The following PRKN variants were observed in gnomAD, a reference collection of about 807,000 sequenced individuals.
PRKN encodes the protein E3 ubiquitin-protein ligase parkin.
PRKN carries 56 observed loss-of-function variants against 59.5 expected under a neutral mutation model. The ratio of observed to expected loss-of-function variants is 0.94; its 90% confidence interval spans 0.76 to 1.18. PRKN has a LOEUF of 1.18. Among genes scored for constraint, PRKN ranks in the 50% most tolerant of loss-of-function variants. PRKN has a pLI of 0.00. For synonymous variants in PRKN, 250 were observed against 222.1 expected, an observed-to-expected ratio of 1.13 and a Z score of -1.12; for missense variants, 657 against 596.4, an observed-to-expected ratio of 1.10 and a Z score of -1.06.
At chr6:161,611,213 T>C (rs990982800) in intron 7 of PRKN, among the ~76,000 whole-genome samples, 23 of 152,158 alleles carry the variant, frequency 1.5e-4, no homozygotes, top group Non-Finnish European at 2.9e-4. Flanking sequence ...GGCGTGGAAA[T>C]AATGTGAGTC....
intron 7 of PRKN, among the ~76,000 whole-genome samples, chr6:161,778,826 C>T (rs906180261): frequency 6.6e-6 from 1 of 152,216 alleles, no homozygotes; most frequent in Non-Finnish European, 1.5e-5. Flanking sequence ...CAGGCATGGA[C>T]TCTGAAGCCT....
intron 3 of PRKN, among the ~76,000 whole-genome samples, chr6:162,244,144 G>A (rs1328479726): frequency 6.6e-6 from 1 of 152,068 alleles, no homozygotes; most frequent in African/African-American, 2.4e-5. Context: ...GTTTTGTCTG[G>A]TTCAGCAGCT....
intron 2 of PRKN, among the ~76,000 whole-genome samples, chr6:162,406,090 TGA>T (rs1376480448): frequency 6.6e-6 from 1 of 152,244 alleles, no homozygotes; most frequent in Non-Finnish European, 1.5e-5. Context: ...CAATTCACTT[TGA>T]TTAATGACAG....
At chr6:161,943,462 A>G (rs1365915184) in intron 6 of PRKN, among the ~76,000 whole-genome samples, 1 of 152,264 alleles carries the variant, frequency 6.6e-6, no homozygotes, top group Non-Finnish European at 1.5e-5. Context: ...ATATGTGGAT[A>G]GTATGTATAT....
Position 161,360,285 on chromosome 6 carries a change from A to T in PRKN, c.1168-80T>A. ...GAGTTTATGTTCCCTGTACGTCGGT[A>T]CAGGAAATTCTTGAAGACAGGAGTG... On this transcript the variant is annotated intron_variant, in intron 10 of 11. Coordinates refer to ENST00000366898, the MANE Select transcript of PRKN (RefSeq NM_004562.3). This position sits in a 1 kb window ranked among gnomAD's most constrained non-coding sequence, Gnocchi z 5.1. The T allele has an allele frequency of 8.6e-7, 1 of 1,160,454 alleles. No homozygotes were observed. Among genetic ancestry groups the T allele is most frequent in the Non-Finnish European group, 1.3e-6 (1 of 766,260 alleles). 71.9% of individuals were successfully genotyped at this position (1,160,454 alleles called of 1,614,324 possible). A position where few individuals can be genotyped will look rare whatever the true frequency, so the allele number is the denominator to read the frequency against.
Position 162,356,761 on chromosome 6 carries a change from A to G in PRKN, c.171+86549T>C, listed in dbSNP as rs560245645. On this transcript the variant is annotated intron_variant, in intron 2 of 11. Coordinates refer to ENST00000366898, the MANE Select transcript of PRKN (RefSeq NM_004562.3). Reference sequence around the variant, plus strand: ...GTGATTATTAGTAAAAAAAAAAAAAAAAAAAAAAAGATAAGATAGACAATA... The same window carrying G: ...GTGATTATTAGTAAAAAAAAAAAAAGAAAAAAAAAGATAAGATAGACAATA... Among the ~76,000 whole-genome samples the G allele has an allele frequency of 5.4e-3, 801 of 149,546 alleles. 9 individuals are homozygous for G. The highest frequency in any genetic ancestry group is 0.016 in the African/African-American group (638 of 41,138).
intron 9 of PRKN, among the ~76,000 whole-genome samples, chr6:161,443,999 G>A (rs1789372369): frequency 6.6e-6 from 1 of 152,246 alleles, no homozygotes; most frequent in Non-Finnish European, 1.5e-5. Flanking sequence ...CATGAAATTC[G>A]ATTCAGTGTG....
chr6:161,383,839 C>T (rs560001422), intron 10 of PRKN, among the ~76,000 whole-genome samples: 3 of 152,322 alleles, frequency 2.0e-5, no homozygotes, highest in East Asian at 1.9e-4. Flanking sequence ...GGACCCTGAC[C>T]GAATCAGAGA....
In PRKN at chr6:161,875,195, ATG is replaced by A. The variant is rs1276154133; in HGVS notation, c.735-89289_735-89288del. On this transcript the variant is annotated intron_variant, in intron 6 of 11. Transcript: ENST00000366898. The stretch of plus-strand genomic sequence containing the variant: ...ATAAAATATATGTGTGTGTGTATAT[ATG>A]TATACATTTTTTTCTGAGACAGAGT... Among the ~76,000 whole-genome samples the A allele has an allele frequency of 4.7e-3, 677 of 144,060 alleles. 8 individuals are homozygous for A. The highest frequency in any genetic ancestry group is 0.016 in the African/African-American group (618 of 38,120). 94.5% of individuals were successfully genotyped at this position (144,060 alleles called of 152,430 possible).
intron 7 of PRKN, among the ~76,000 whole-genome samples, chr6:161,629,718 C>G (rs1346284841): frequency 6.6e-6 from 1 of 152,176 alleles, no homozygotes; most frequent in Non-Finnish European, 1.5e-5. Context: ...CTTCCCCACC[C>G]ACCTAGCAAA....
At chr6:161,573,719 C>CAAAAAAAA (rs1207463759) in intron 7 of PRKN, among the ~76,000 whole-genome samples, 1 of 18,758 alleles carries the variant, frequency 5.3e-5, no homozygotes, top group African/African-American at 1.7e-4. Flanking sequence ...GACTCCGTCT[C>CAAAAAAAA]AAAAAAAAAA....
chr6:162,336,001 G>A (rs565023534), intron 2 of PRKN, among the ~76,000 whole-genome samples: 3 of 151,788 alleles, frequency 2.0e-5, no homozygotes. Context: ...TCTCTGAGCA[G>A]TGCGGCCCAT....
At chr6:162,201,035 A>G in intron 4 of PRKN, 96 bp downstream of exon 4, 1 of 1,353,466 alleles carries the variant, frequency 7.4e-7, no homozygotes, top group Non-Finnish European at 1.1e-6. Flanking sequence ...TTTTCTTTTC[A>G]AAGACGGGTG....
chr6:161,956,623 T>C (rs902277062), intron 6 of PRKN, among the ~76,000 whole-genome samples: 6 of 152,154 alleles, frequency 3.9e-5, no homozygotes, highest in African/African-American at 1.4e-4. Context: ...GATACAACAA[T>C]AAATGTTCTG....
chr6:162,585,583 C>T (rs911704117), intron 1 of PRKN, among the ~76,000 whole-genome samples: 9 of 151,980 alleles, frequency 5.9e-5, no homozygotes, highest in Non-Finnish European at 8.8e-5. Flanking sequence ...TATTTACATG[C>T]GTACATATGA....
At chr6:161,479,089 C>T (rs1040354355) in intron 9 of PRKN, among the ~76,000 whole-genome samples, 2 of 152,068 alleles carry the variant, frequency 1.3e-5, no homozygotes, top group African/African-American at 2.4e-5. Context: ...GGAATAACAA[C>T]GCTAAGTGGC....
chr6:162,193,444 T>C (rs912331954), intron 4 of PRKN, among the ~76,000 whole-genome samples: 7 of 152,168 alleles, frequency 4.6e-5, no homozygotes, highest in Non-Finnish European at 8.8e-5. Flanking sequence ...ATAAAATACT[T>C]ACTCAGTCCA....
chr6:161,894,580 G>A (rs758923914), intron 6 of PRKN, among the ~76,000 whole-genome samples: 8 of 151,908 alleles, frequency 5.3e-5, no homozygotes, highest in South Asian at 2.1e-4. Flanking sequence ...TTTTCAAATC[G>A]TGCGTTACTC....
chr6:162,611,476 TCA>T (rs1440652019), intron 1 of PRKN, among the ~76,000 whole-genome samples: 1 of 152,152 alleles, frequency 6.6e-6, no homozygotes, highest in Non-Finnish European at 1.5e-5. Flanking sequence ...TTATAACCAT[TCA>T]CAGAGTAAAT....
Sources: gnomAD v4.1 joint callset for allele counts (sites outside exome capture counted in the v4.1 genomes callset) on GRCh38, gnomAD v4.1.1 for gene constraint, Gnocchi (gnomAD v3.1) non-coding constraint, MANE v1.5 for transcripts, NCBI Gene and HGNC (gene_info 2026-07-23, HGNC 2026-07-21) for gene names.